The following ZNF415 variants were observed in gnomAD, a reference collection of about 807,000 sequenced individuals.
ZNF415 encodes zinc finger protein 415.
Under a neutral mutation model 7.3 loss-of-function variants are expected in ZNF415, and 5 were observed. That is an observed-to-expected ratio of 0.69 (90% confidence interval 0.36 to 1.44). ZNF415 has a LOEUF of 1.44. Ranked by LOEUF, ZNF415 falls within the 40% of genes most tolerant of loss-of-function variation. ZNF415 has a pLI of 0.04. For synonymous variants in ZNF415, 207 were observed against 226.3 expected (o/e 0.91, Z 0.77); for missense variants, 628 against 664.8 (o/e 0.94, Z 0.61).
At chr19:53,110,898 C>G (rs1159356467) in intron 3 of ZNF415, among the ~76,000 whole-genome samples, 1 of 152,224 alleles carries the variant, frequency 6.6e-6, no homozygotes, top group Non-Finnish European at 1.5e-5. Flanking sequence ...CCTACATATG[C>G]ATTGCCCTTT....
intron 1 of ZNF415, among the ~76,000 whole-genome samples, chr19:53,128,891 C>G (rs1202850243): frequency 9.9e-6 from 1 of 100,914 alleles, no homozygotes; most frequent in Non-Finnish European, 2.4e-5. Flanking sequence ...GCAGTCATCC[C>G]GTGGCCCAGA....
rs1259745710 is a variant in ZNF415, at chr19:53,129,085, G to A, written c.-68+3771C>T. Among the ~76,000 whole-genome samples the A allele has an allele frequency of 2.0e-5, 3 of 152,244 alleles. No individual in the cohort carries two copies. The East Asian group carries it at 5.8e-4, about 29-fold the overall frequency. On this transcript the variant is annotated intron_variant, in intron 1 of 3. Coordinates refer to ENST00000243643, the MANE Select transcript of ZNF415 (RefSeq NM_018355.4). ...GGGAGACATCTCTCAGTCTAGACCC[G>A]AAGGAGGAAAAAGGGACAGGGTCAC...
intron 1 of ZNF415, among the ~76,000 whole-genome samples, chr19:53,131,137 A>C (rs149207039): frequency 4.0e-4 from 58 of 143,452 alleles, no homozygotes; most frequent in African/African-American, 1.5e-3. Flanking sequence ...TGTGTGGCCC[A>C]AGACAATTCT....
rs1185985926 is a variant in ZNF415, at chr19:53,108,596, T to C, written c.1449A>G (p.Leu483=). 3.1e-6 allele frequency: 5 copies of C among 1,613,996 alleles called. No individual in the cohort carries two copies. In the South Asian group the frequency reaches 5.5e-5, roughly 18 times the overall value. The part of the protein sequence containing the change: ...CGKGFSVHSS[L]TTHQVIHTGE... Reference sequence around the variant, plus strand: ...CAGTATGGATGACCTGATGGGTAGTTAGGCTTGAATGCACACTGAAGCCTT... The same window carrying C: ...CAGTATGGATGACCTGATGGGTAGTCAGGCTTGAATGCACACTGAAGCCTT... The change falls in exon 4 of 4, where the codon CTA becomes CTG. Residue 483 remains leucine, a synonymous_variant. Coordinates refer to ENST00000243643, the MANE Select transcript of ZNF415 (RefSeq NM_018355.4).
At chr19:53,114,217 C>T (rs905730916) in intron 3 of ZNF415, among the ~76,000 whole-genome samples, 1 of 152,074 alleles carries the variant, frequency 6.6e-6, no homozygotes, top group African/African-American at 2.4e-5. Context: ...CACTCTGTTA[C>T]TCAGGCTGTA....
rs761399010 is a variant in ZNF415 at position 53,122,761 on chromosome 19, G to A, written c.-67-18C>T. ...AGTCAATGCTGAATAACAACAACAAGTGCTGTTTATTGCTTAGAAACAACA... is the reference window on the plus strand; with the variant it reads ...AGTCAATGCTGAATAACAACAACAAATGCTGTTTATTGCTTAGAAACAACA... On this transcript the variant is annotated intron_variant, in intron 1 of 3. Transcript: ENST00000243643. 3.2e-6 allele frequency: 5 copies of A among 1,584,132 alleles called. No individual in the cohort carries two copies. The highest frequency in any genetic ancestry group is 4.3e-6 in the Non-Finnish European group (5 of 1,154,208).
intron 3 of ZNF415, among the ~76,000 whole-genome samples, chr19:53,113,534 AC>A (rs2086569477): frequency 6.8e-6 from 1 of 146,326 alleles, no homozygotes; most frequent in Non-Finnish European, 1.5e-5. Flanking sequence ...AAAAAAAAAA[AC>A]CGAGGCATTA....
intron 3 of ZNF415, among the ~76,000 whole-genome samples, chr19:53,110,946 G>A (rs1467863493): frequency 6.6e-6 from 1 of 152,144 alleles, no homozygotes; most frequent in Non-Finnish European, 1.5e-5. Context: ...ATACATAAGA[G>A]TTTGTACTTG....
intron 1 of ZNF415, among the ~76,000 whole-genome samples, chr19:53,123,217 T>C (rs1297556319): frequency 6.6e-6 from 1 of 152,162 alleles, no homozygotes; most frequent in Non-Finnish European, 1.5e-5. Context: ...ATCTGCAAAG[T>C]ACCCCAGCAC....
Position 53,111,340 on chromosome 19 carries a change from C to CTTTT in ZNF415, c.137-1436_137-1433dup, listed in dbSNP as rs61112807. ...TTAGTTCTCCTAGCCTATGATATTT[C>CTTTT]TTTTTTTTTTTTTTTTTTTTTGAGA... On this transcript the variant is annotated intron_variant, in intron 3 of 3. Transcript: ENST00000243643. 4.0e-3 allele frequency among the ~76,000 whole-genome samples: 420 copies of CTTTT among 105,030 alleles called. 1 individual carries two copies. Among genetic ancestry groups the CTTTT allele is most frequent in the Non-Finnish European group, 5.4e-3 (294 of 54,704 alleles). The allele number at this position is 105,030 out of a possible 152,430, so 68.9% of individuals were successfully genotyped here.
rs184627767 is a variant in ZNF415, at chr19:53,108,258, T to C, written c.*119A>G. 3.2e-4 allele frequency: 289 copies of C among 911,018 alleles called. 2 individuals carry two copies. The East Asian group carries it at 7.3e-3, about 23-fold the overall frequency. 56.4% of individuals were successfully genotyped at this position (911,018 alleles called of 1,614,324 possible). A position where few individuals can be genotyped will look rare whatever the true frequency, so the allele number is the denominator to read the frequency against. ...TCAAGAATGAAATTCTCTGATGCTGTGTAGGAGTGAATTGTGACTGAAAAC... is the reference window on the plus strand; with the variant it reads ...TCAAGAATGAAATTCTCTGATGCTGCGTAGGAGTGAATTGTGACTGAAAAC... On this transcript the variant is annotated 3_prime_UTR_variant, in exon 4 of 4. Coordinates refer to ENST00000243643, the MANE Select transcript of ZNF415 (RefSeq NM_018355.4).
In ZNF415 at chr19:53,109,063, A is replaced by C; in HGVS notation, c.982T>G (p.Tyr328Asp). The C allele has an allele frequency of 1.2e-6, 2 of 1,612,434 alleles. No individual in the cohort carries two copies. The highest frequency in any genetic ancestry group is 8.5e-7 in the Non-Finnish European group (1 of 1,178,586). The change falls in exon 4 of 4, where the codon TAC (tyrosine) becomes GAC (aspartate). Residue 328 changes from tyrosine to aspartate, a missense_variant. Tyr to Asp is a radical substitution (Grantham distance 160). Transcript: ENST00000243643. ...GCTTTGCCACACTCTTTACATGTGTAAGGTTTCTCTCCAATATGAGTTTTC... is the reference window on the plus strand; with the variant it reads ...GCTTTGCCACACTCTTTACATGTGTCAGGTTTCTCTCCAATATGAGTTTTC... ...HQKTHIGEKPYTCKECGKAFS... is the reference protein window; with the variant it reads ...HQKTHIGEKPDTCKECGKAFS...
intron 3 of ZNF415, among the ~76,000 whole-genome samples, chr19:53,110,135 C>T (rs966550348): frequency 3.3e-5 from 5 of 152,100 alleles, no homozygotes; most frequent in Admixed American, 6.6e-5. Flanking sequence ...CAGATTCAAA[C>T]ATCCTATGAC....
At chr19:53,110,809 T>C (rs1167597717) in intron 3 of ZNF415, among the ~76,000 whole-genome samples, 1 of 152,170 alleles carries the variant, frequency 6.6e-6, no homozygotes, top group Non-Finnish European at 1.5e-5. Context: ...AAAGAAGAAT[T>C]GAAGAACAAA....
intron 2 of ZNF415, among the ~76,000 whole-genome samples, chr19:53,120,328 C>T (rs1315343851): frequency 6.6e-6 from 1 of 152,082 alleles, no homozygotes; most frequent in African/African-American, 2.4e-5. Context: ...TATCCTTGTT[C>T]CTTAATACGA....
intron 2 of ZNF415, among the ~76,000 whole-genome samples, chr19:53,119,444 CAA>C (rs34688086): frequency 5.2e-3 from 183 of 35,078 alleles, no homozygotes; most frequent in African/African-American, 0.019. Context: ...GACTCCATCT[CAA>C]AAAAAAAAAA....
chr19:53,126,018 C>CA lies in ZNF415; in HGVS notation c.-67-3276dup, dbSNP rs58522981. Among the ~76,000 whole-genome samples, 626 of 111,282 alleles carry CA rather than the reference C, an allele frequency of 5.6e-3. 3 individuals carry two copies. Among genetic ancestry groups the CA allele is most frequent in the African/African-American group, 0.017 (440 of 25,200 alleles). The allele number at this position is 111,282 out of a possible 152,430, so 73.0% of individuals were successfully genotyped here. A position where few individuals can be genotyped will look rare whatever the true frequency, so the allele number is the denominator to read the frequency against. ...TTACCATTATTATTCCTGGTGTAGA[C>CA]AAAAAAAAAAAAAAAGAGCCTGGCA... is the stretch of plus-strand genomic sequence containing the variant. On this transcript the variant is annotated intron_variant, in intron 1 of 3. Coordinates refer to ENST00000243643, the MANE Select transcript of ZNF415 (RefSeq NM_018355.4).
Position 53,108,539 on chromosome 19 carries a change from G to A in ZNF415, c.1506C>T (p.Gly502=). ...GGTTTGGGCGCACACTAAAGGATTT[G>A]CCACACTCATTACATTTGTAAGGTT... ...GEKPYKCNEC[G]KSFSVRPNLT... is the part of the protein sequence containing the mutation. The change falls in exon 4 of 4, where the codon GGC becomes GGT. Residue 502 remains glycine (G), a synonymous_variant. Coordinates refer to ENST00000243643, the MANE Select transcript of ZNF415 (RefSeq NM_018355.4). The A allele has an allele frequency of 6.2e-7, 1 of 1,614,042 alleles. No homozygotes were observed. The highest frequency in any genetic ancestry group is 1.7e-5 in the Admixed American group (1 of 60,004).
intron 1 of ZNF415, among the ~76,000 whole-genome samples, chr19:53,127,827 G>T (rs1016224548): frequency 1.3e-5 from 2 of 149,450 alleles, no homozygotes; most frequent in South Asian, 2.1e-4. Flanking sequence ...CAGTGGGCCA[G>T]GATCGCACCA....
Sources: allele counts gnomAD v4.1 joint callset (sites outside exome capture counted in the v4.1 genomes callset), GRCh38; gene constraint gnomAD v4.1.1; transcripts MANE v1.5; gene names NCBI Gene and HGNC (gene_info 2026-07-23, HGNC 2026-07-21).